PDCD6IP: variants seen among roughly 807,000 people sequenced by gnomAD.
PDCD6IP encodes programmed cell death 6 interacting protein.
A neutral mutation model predicts 103.7 loss-of-function variants in PDCD6IP; 43 were observed. The ratio of observed to expected loss-of-function variants is 0.41; its 90% CI spans 0.32 to 0.53. PDCD6IP has a LOEUF of 0.53. PDCD6IP is among the 20% of genes least tolerant of loss of function. The probability of loss-of-function intolerance (pLI) is 0.16; values close to 1 mark genes in which losing one functional copy is unlikely to be tolerated. For missense variants in PDCD6IP, 871 were observed against 1,036.7 expected, an observed-to-expected ratio of 0.84 and a Z score of 2.20; for synonymous variants, 354 against 378.7, an observed-to-expected ratio of 0.93 and a Z score of 0.76.
At chr3:33,844,879 T>A (rs940138934) in intron 11 of PDCD6IP, among the ~76,000 whole-genome samples, 4 of 152,126 alleles carry the variant, frequency 2.6e-5, no homozygotes, top group African/African-American at 7.2e-5. Context: ...AAAAAAAAAA[T>A]GAGCTTTAAG....
At chr3:33,801,745 A>G (rs1224562679) in intron 1 of PDCD6IP, among the ~76,000 whole-genome samples, 3 of 152,216 alleles carry the variant, frequency 2.0e-5, no homozygotes, top group African/African-American at 7.2e-5. Context: ...ATCAAATGGG[A>G]ACCCTGCTGG....
At chr3:33,822,179 C>T (rs747470418) in intron 4 of PDCD6IP, 97 bp downstream of exon 4, 58 of 1,251,138 alleles carry the variant, frequency 4.6e-5, no homozygotes, top group Non-Finnish European at 6.2e-5. Flanking sequence ...TCTTACGCAA[C>T]AGATGTTTTC....
Position 33,838,282 on chromosome 3 carries a change from A to G in PDCD6IP, c.1136A>G (p.Asn379Ser). 1 of 1,613,320 alleles carries G rather than the reference A, an allele frequency of 6.2e-7. No individual in the cohort carries two copies. Among genetic ancestry groups the G allele is most frequent in the East Asian group, 2.2e-5 (1 of 44,856 alleles). Residue 379 changes from asparagine to serine, a missense_variant, in exon 9 of 18, where the codon AAC (asparagine) becomes AGC (serine). Physicochemically the swap from Asn to Ser is conservative, Grantham distance 46. Coordinates refer to ENST00000307296, the MANE Select transcript of PDCD6IP (RefSeq NM_013374.6). ...AATCAGAGGAAAGCCGATTTGGTTA[A>G]CAGATCAATTGCTCAGATGAGAGAA... ...AYNQRKADLV[N>S]RSIAQMREAT...
intron 3 of PDCD6IP, among the ~76,000 whole-genome samples, chr3:33,814,327 G>T (rs1055982892): frequency 2.0e-5 from 3 of 151,706 alleles, no homozygotes; most frequent in Non-Finnish European, 4.4e-5. Flanking sequence ...TAGAGACGGG[G>T]TTTCACCATG....
At chr3:33,814,243 C>A (rs2125547840) in intron 3 of PDCD6IP, among the ~76,000 whole-genome samples, 1 of 150,696 alleles carries the variant, frequency 6.6e-6, no homozygotes, top group East Asian at 2.0e-4. Context: ...CTACTGGGTT[C>A]AAGTGATTCT....
At chr3:33,865,528 T>A in intron 17 of PDCD6IP, 98 bp downstream of exon 17, 1 of 900,300 alleles carries the variant, frequency 1.1e-6, no homozygotes, top group Non-Finnish European at 1.6e-6. Context: ...CAAATGGAGG[T>A]GTCATGAATG....
Position 33,798,793 on chromosome 3 carries a change from T to G in PDCD6IP, c.65T>G (p.Val22Gly). ...TSEVDLAKPL[V>G]KFIQQTYPSG... ...GAGGTGGACCTGGCCAAGCCGCTGG[T>G]GAAGTTCATCCAGCAGACTTACCCA... The change falls in exon 1 of 18, where the codon GTG (valine) becomes GGG (glycine). Residue 22 changes from valine (V) to glycine (G), a missense_variant. Coordinates refer to ENST00000307296, the MANE Select transcript of PDCD6IP (RefSeq NM_013374.6). The G allele has an allele frequency of 1.3e-6, 2 of 1,573,284 alleles. No individual in the cohort carries two copies. Among genetic ancestry groups the G allele is most frequent in the Non-Finnish European group, 1.7e-6 (2 of 1,159,840 alleles).
intron 2 of PDCD6IP, 153 bp from the exon 3 acceptor site, chr3:33,813,406 A>G: frequency 1.9e-6 from 1 of 513,528 alleles, no homozygotes; most frequent in Non-Finnish European, 3.5e-6. Flanking sequence ...TTTCAATTTA[A>G]AAGGAGAAGG....
At chr3:33,831,800 T>C (rs1477356581) in intron 7 of PDCD6IP, among the ~76,000 whole-genome samples, 4 of 152,180 alleles carry the variant, frequency 2.6e-5, no homozygotes, top group Admixed American at 2.0e-4. Context: ...TTCTCACTTG[T>C]CATTCTTACT....
Position 33,804,818 on chromosome 3 carries a change from A to G in PDCD6IP, c.209+5881A>G, listed in dbSNP as rs572804574. The stretch of plus-strand genomic sequence containing the variant: ...AGTAGTGCTTGATTAATGATTTTTC[A>G]TGTGTTAAATTGGGTGAAGAAAGAA... On this transcript the variant is annotated intron_variant, in intron 1 of 17. Transcript: ENST00000307296. 1.0e-3 allele frequency among the ~76,000 whole-genome samples: 157 copies of G among 152,258 alleles called. 1 individual carries two copies. The highest frequency in any genetic ancestry group is 3.3e-3 in the African/African-American group (139 of 41,556).
At chr3:33,825,159 A>G (rs1232215867) in intron 4 of PDCD6IP, 28 bp from the exon 5 acceptor site, 4 of 1,593,706 alleles carry the variant, frequency 2.5e-6, no homozygotes, top group Non-Finnish European at 3.4e-6. Flanking sequence ...CTGAGTTCCT[A>G]TAAAGAAATT....
At chr3:33,835,373 A>T (rs1697324145) in intron 7 of PDCD6IP, 1 of 447,892 alleles carries the variant, frequency 2.2e-6, no homozygotes, top group African/African-American at 2.0e-5. Flanking sequence ...TCAGTTCTCC[A>T]TGAGGGCCTT....
At chr3:33,861,488 A>G (rs547165375) in intron 15 of PDCD6IP, among the ~76,000 whole-genome samples, 54 of 152,252 alleles carry the variant, frequency 3.5e-4, no homozygotes, top group Non-Finnish European at 6.8e-4. Context: ...GAGTAGCCAC[A>G]TTTCAGATGT....
At chr3:33,822,306 C>A (rs73826770) in intron 4 of PDCD6IP, among the ~76,000 whole-genome samples, 8,632 of 152,190 alleles carry the variant, frequency 0.057, 791 homozygotes, top group African/African-American at 0.19. Flanking sequence ...TAGCACAGTG[C>A]CTGGCACATA....
intron 1 of PDCD6IP, among the ~76,000 whole-genome samples, chr3:33,805,536 G>A (rs1343686084): frequency 1.3e-5 from 2 of 151,814 alleles, no homozygotes; most frequent in Admixed American, 6.6e-5. Context: ...CTGGGCTCAA[G>A]CAATCCTACT....
intron 1 of PDCD6IP, among the ~76,000 whole-genome samples, chr3:33,803,518 C>G (rs1251100779): frequency 1.3e-5 from 2 of 151,998 alleles, no homozygotes; most frequent in African/African-American, 2.4e-5. Flanking sequence ...GTAGCATTTT[C>G]TGGATATTTA....
Position 33,865,402 on chromosome 3 carries a change from C to A in PDCD6IP, c.2404C>A (p.Pro802Thr). The A allele has an allele frequency of 1.3e-6, 2 of 1,596,972 alleles. No individual in the cohort carries two copies. Among genetic ancestry groups the A allele is most frequent in the Non-Finnish European group, 1.7e-6 (2 of 1,172,756 alleles). ...SAPPPQAQGP[P>T]YPTYPGYPGY... ...TCCTCCTCCACAGGCGCAGGGACCA[C>A]CCTATCCCACCTATCCAGGATATCC... The change falls in exon 17 of 18, where the codon CCC (proline) becomes ACC (threonine). Residue 802 changes from proline (P) to threonine (T), a missense_variant. By Grantham distance (38) the Pro-to-Thr change is conservative. Around this residue, in one of 5 missense-constraint regions of PDCD6IP, gnomAD observed 202 missense variants for 205.2 expected, o/e 0.98. Coordinates refer to ENST00000307296, the MANE Select transcript of PDCD6IP (RefSeq NM_013374.6).
chr3:33,830,512 T>C (rs760395321), intron 7 of PDCD6IP, among the ~76,000 whole-genome samples: 35 of 152,022 alleles, frequency 2.3e-4, no homozygotes, highest in Non-Finnish European at 4.3e-4. Flanking sequence ...GGGAGGGAGG[T>C]AAATACTTTT....
chr3:33,837,226 T>C (rs1201983768), intron 8 of PDCD6IP, among the ~76,000 whole-genome samples: 2 of 152,224 alleles, frequency 1.3e-5, no homozygotes, highest in African/African-American at 4.8e-5. Flanking sequence ...GGCCTATTTC[T>C]TTAAACATGT....
Sources: allele counts gnomAD v4.1 joint callset (sites outside exome capture counted in the v4.1 genomes callset), GRCh38; gene constraint gnomAD v4.1.1; regional missense constraint gnomAD v4.1.1; transcripts MANE v1.5; gene names NCBI Gene and HGNC (gene_info 2026-07-23, HGNC 2026-07-21).